The following KHDRBS2 variants were observed in gnomAD, a reference collection of about 807,000 sequenced individuals.
KHDRBS2 encodes the protein KH domain-containing, RNA-binding, signal transduction-associated protein 2.
KHDRBS2 carries 26 observed loss-of-function variants against 44.3 expected under a neutral mutation model. The ratio of observed to expected loss-of-function variants is 0.59; its 90% CI spans 0.43 to 0.81. The LOEUF (loss-of-function observed/expected upper bound fraction) is 0.81, where lower values mean the gene tolerates loss of function less well. Ranked by LOEUF, KHDRBS2 falls within the 40% of genes least tolerant of loss-of-function variation. KHDRBS2 has a pLI of 0.00. For synonymous variants in KHDRBS2, 194 were observed against 151.1 expected (o/e 1.28, Z -2.08); for missense variants, 476 against 433.1 (o/e 1.10, Z -0.88).
At chr6:61,672,928 A>G in the KHDRBS2 span, among the ~76,000 whole-genome samples, 3 of 151,984 alleles carry the variant, frequency 2.0e-5, no homozygotes, top group African/African-American at 7.3e-5. Context: ...GCCCATGCCT[A>G]TGTCCTGAAT....
chr6:61,740,369 G>T (rs1442777574), intron 6 of KHDRBS2, among the ~76,000 whole-genome samples: 1 of 151,886 alleles, frequency 6.6e-6, no homozygotes, highest in Non-Finnish European at 1.5e-5. Flanking sequence ...TAGGGAGTTG[G>T]ACCAAGGAGC....
At chr6:62,073,286 G>T (rs1795613829) in intron 2 of KHDRBS2, among the ~76,000 whole-genome samples, 1 of 151,558 alleles carries the variant, frequency 6.6e-6, no homozygotes, top group African/African-American at 2.4e-5. Context: ...AGTCAGTTTT[G>T]ATAATTTGTA....
intron 2 of KHDRBS2, among the ~76,000 whole-genome samples, chr6:62,101,204 T>C (rs550540620): frequency 2.6e-5 from 4 of 152,038 alleles, no homozygotes; most frequent in Admixed American, 2.0e-4. Flanking sequence ...TTTATACCTA[T>C]GATAAACTTG....
chr6:62,193,345 T>A (rs1585139720), intron 1 of KHDRBS2, among the ~76,000 whole-genome samples: 1 of 152,052 alleles, frequency 6.6e-6, no homozygotes, highest in Non-Finnish European at 1.5e-5. Context: ...AAATGTAGGA[T>A]AAAACAGCCA....
intron 2 of KHDRBS2, among the ~76,000 whole-genome samples, chr6:62,116,387 C>A (rs1304924416): frequency 6.6e-6 from 1 of 152,016 alleles, no homozygotes; most frequent in Non-Finnish European, 1.5e-5. Context: ...TTTCTGGTTT[C>A]TGAGTTTGTT....
chr6:61,863,157 T>C (rs372714653), intron 6 of KHDRBS2, among the ~76,000 whole-genome samples: 4 of 152,150 alleles, frequency 2.6e-5, no homozygotes, highest in East Asian at 3.9e-4. Flanking sequence ...TGGTTCTTTT[T>C]ATTTGAATCT....
intron 8 of KHDRBS2, among the ~76,000 whole-genome samples, chr6:61,687,523 CT>C (rs1165729995): frequency 1.3e-5 from 2 of 151,846 alleles, no homozygotes; most frequent in African/African-American, 4.8e-5. Flanking sequence ...GATTCCTTCA[CT>C]TTTGAACGGT....
chr6:62,069,286 G>T (rs886424083), intron 2 of KHDRBS2, among the ~76,000 whole-genome samples: 2 of 151,564 alleles, frequency 1.3e-5, no homozygotes, highest in Admixed American at 6.6e-5. Flanking sequence ...CTGAAGAAAA[G>T]AAAATGTTAC....
chr6:61,806,132 C>G (rs964974352), intron 6 of KHDRBS2, among the ~76,000 whole-genome samples: 2 of 152,164 alleles, frequency 1.3e-5, no homozygotes, highest in African/African-American at 4.8e-5. Context: ...CACATTTCCT[C>G]AAGAAGTGTG....
chr6:62,070,998 C>T (rs1394592847), intron 2 of KHDRBS2, among the ~76,000 whole-genome samples: 2 of 152,076 alleles, frequency 1.3e-5, no homozygotes, highest in East Asian at 3.9e-4. Context: ...CTCTCCAGCA[C>T]CTGTTGTTTC....
chr6:62,252,209 C>T (rs764285424), intron 1 of KHDRBS2, among the ~76,000 whole-genome samples: 43 of 151,754 alleles, frequency 2.8e-4, no homozygotes, highest in Non-Finnish European at 5.5e-4. Context: ...TAGATTTACT[C>T]GAGAAGAACA....
the KHDRBS2 span, among the ~76,000 whole-genome samples, chr6:61,559,473 GTTAT>G: frequency 1.3e-5 from 2 of 151,824 alleles, no homozygotes; most frequent in African/African-American, 4.8e-5. Context: ...TTGTTTTCTG[GTTAT>G]TTTGTGGTCT....
chr6:61,742,344 C>A (rs1417095019), intron 6 of KHDRBS2, among the ~76,000 whole-genome samples: 2 of 151,836 alleles, frequency 1.3e-5, no homozygotes, highest in Non-Finnish European at 2.9e-5. Flanking sequence ...TGGTAATAAT[C>A]AAAAATTTAA....
chr6:62,196,919 G>A (rs1281680070), intron 1 of KHDRBS2, among the ~76,000 whole-genome samples: 3 of 152,040 alleles, frequency 2.0e-5, no homozygotes, highest in Non-Finnish European at 4.4e-5. Context: ...CGCCCATAAA[G>A]CATAGATGTC....
intron 7 of KHDRBS2, among the ~76,000 whole-genome samples, chr6:61,699,160 G>C (rs1480895373): frequency 6.6e-6 from 1 of 151,974 alleles, no homozygotes; most frequent in African/African-American, 2.4e-5. Context: ...CATAAGAGCT[G>C]CTCAATGAAT....
At chr6:61,682,122 C>T (rs1483756975) in intron 8 of KHDRBS2, among the ~76,000 whole-genome samples, 1 of 151,800 alleles carries the variant, frequency 6.6e-6, no homozygotes, top group Non-Finnish European at 1.5e-5. Context: ...AGGGCATTTG[C>T]CCCCAGATAG....
chr6:61,597,712 C>T, the KHDRBS2 span, among the ~76,000 whole-genome samples: 2 of 107,124 alleles, frequency 1.9e-5, no homozygotes, highest in African/African-American at 6.8e-5. Flanking sequence ...TCCAAAAGGA[C>T]TAATGGAATT....
chr6:61,980,855 T>A (rs1773693083), intron 3 of KHDRBS2, among the ~76,000 whole-genome samples: 1 of 152,176 alleles, frequency 6.6e-6, no homozygotes, highest in Non-Finnish European at 1.5e-5. Context: ...TTCAGCCAGC[T>A]TATAGGGACT....
chr6:62,156,493 A>G (rs1816410113), intron 2 of KHDRBS2, among the ~76,000 whole-genome samples: 1 of 152,216 alleles, frequency 6.6e-6, no homozygotes, highest in South Asian at 2.1e-4. Flanking sequence ...GTATAAAACT[A>G]TAAAATAAAA....
Sources: allele counts gnomAD v4.1 joint callset (sites outside exome capture counted in the v4.1 genomes callset), GRCh38; gene constraint gnomAD v4.1.1; transcripts MANE v1.5; gene names NCBI Gene and HGNC (gene_info 2026-07-23, HGNC 2026-07-21).